Variants in PPP1R9A observed in about 807,000 individuals in gnomAD.
PPP1R9A encodes neurabin-1.
A neutral mutation model predicts 141.9 loss-of-function variants in PPP1R9A; 59 were observed. The observed-to-expected ratio is 0.42, with a 90% confidence interval of 0.34 to 0.52. The LOEUF (loss-of-function observed/expected upper bound fraction) is 0.52. PPP1R9A is among the 20% of genes least tolerant of loss of function. The pLI is 0.10. For synonymous variants in PPP1R9A, 500 were observed against 569.7 expected (o/e 0.88, Z 1.74); for missense variants, 1,444 against 1,611.9 (o/e 0.90, Z 1.78).
At chr7:95,145,354 GT>G (rs1479771417) in intron 4 of PPP1R9A, among the ~76,000 whole-genome samples, 4 of 152,162 alleles carry the variant, frequency 2.6e-5, no homozygotes, top group Non-Finnish European at 5.9e-5. Flanking sequence ...CTATATTAAA[GT>G]TTAAGGGATG....
chr7:94,959,990 GCAT>G (rs1563049544), intron 2 of PPP1R9A, among the ~76,000 whole-genome samples: 1 of 151,488 alleles, frequency 6.6e-6, no homozygotes, highest in Non-Finnish European at 1.5e-5. Context: ...TTGATAACAG[GCAT>G]GTAAAAATTA....
intron 6 of PPP1R9A, among the ~76,000 whole-genome samples, chr7:95,202,803 C>T (rs922855525): frequency 6.6e-6 from 1 of 151,720 alleles, no homozygotes; most frequent in Non-Finnish European, 1.5e-5. Context: ...AGCATTATGC[C>T]GTTTGAAATG....
upstream of PPP1R9A, chr7:94,907,461 TG>T: frequency 6.6e-6 from 1 of 152,454 alleles, no homozygotes; most frequent in Non-Finnish European, 1.5e-5. Flanking sequence ...TCAGACTAAG[TG>T]GGGCCCCAGC....
At chr7:95,044,419 G>A (rs1809696728) in intron 2 of PPP1R9A, among the ~76,000 whole-genome samples, 1 of 151,956 alleles carries the variant, frequency 6.6e-6, no homozygotes, top group African/African-American at 2.4e-5. Flanking sequence ...TGCAAGATCA[G>A]GAATATTATC....
intron 4 of PPP1R9A, among the ~76,000 whole-genome samples, chr7:95,151,350 TGAAG>T (rs1008538805): frequency 6.6e-6 from 1 of 152,186 alleles, no homozygotes; most frequent in Non-Finnish European, 1.5e-5. Flanking sequence ...TATCAGTAAA[TGAAG>T]GAAGCTAATG....
chr7:94,949,933 C>CT (rs368003225), intron 2 of PPP1R9A, among the ~76,000 whole-genome samples: 5 of 142,616 alleles, frequency 3.5e-5, no homozygotes, highest in South Asian at 2.2e-4. Flanking sequence ...TGAATGGTCA[C>CT]TTTTTTTTTG....
intron 2 of PPP1R9A, among the ~76,000 whole-genome samples, chr7:95,019,415 T>C (rs1438298299): frequency 2.0e-5 from 3 of 152,066 alleles, no homozygotes; most frequent in Admixed American, 2.0e-4. Context: ...AAGTAACATA[T>C]AACTTAAAAT....
At chr7:95,122,847 G>C (rs2152493193) in intron 4 of PPP1R9A, among the ~76,000 whole-genome samples, 1 of 152,084 alleles carries the variant, frequency 6.6e-6, no homozygotes, top group African/African-American at 2.4e-5. Context: ...TCTTCCAAGA[G>C]AGCTAAAACT....
intron 7 of PPP1R9A, among the ~76,000 whole-genome samples, chr7:95,205,673 C>G (rs1790634484): frequency 6.6e-6 from 1 of 152,140 alleles, no homozygotes; most frequent in South Asian, 2.1e-4. Flanking sequence ...CTCTGTTGCC[C>G]TTGTATGTCA....
rs191508565 is a variant in PPP1R9A, at chr7:94,934,207, A to G, written c.1395+22699A>G. On this transcript the variant is annotated intron_variant, in intron 2 of 19. Transcript: ENST00000433360. ...AATATTTTGGCCTTTTTACTGTATA[A>G]AATGCATATGAGCAGAGGAGAGCAC... 1.5e-3 allele frequency among the ~76,000 whole-genome samples: 232 copies of G among 152,254 alleles called. 2 individuals carry two copies. The highest frequency in any genetic ancestry group is 5.0e-3 in the African/African-American group (208 of 41,534).
At position 95,120,840 on chromosome 7, in the gene PPP1R9A, A is replaced by T; in HGVS notation, c.1649+8A>T. 6.2e-7 allele frequency: 1 copy of T among 1,612,618 alleles called. No homozygotes were observed. Among genetic ancestry groups the T allele is most frequent in the Non-Finnish European group, 8.5e-7 (1 of 1,179,398 alleles). On this transcript the variant is annotated splice_region_variant and intron_variant, in intron 4 of 19. Coordinates refer to ENST00000433360, the MANE Select transcript of PPP1R9A (RefSeq NM_001166160.2). ...TGCTCAACGGGATGGCAGGTAAATT[A>T]AGGACTGTTGTTAATAACTTAAAAT...
intron 2 of PPP1R9A, among the ~76,000 whole-genome samples, chr7:95,034,159 C>T (rs1419906184): frequency 1.3e-5 from 2 of 151,722 alleles, no homozygotes; most frequent in African/African-American, 4.8e-5. Flanking sequence ...TTCATTTATC[C>T]AGGTCTTTTT....
Position 94,910,090 on chromosome 7 carries a change from T to C in PPP1R9A, c.-24T>C. 2 of 1,577,464 alleles carry C rather than the reference T, an allele frequency of 1.3e-6. No homozygotes were observed. The highest frequency in any genetic ancestry group is 1.7e-6 in the Non-Finnish European group (2 of 1,163,616). The stretch of plus-strand genomic sequence containing the variant: ...TTTTTTCTTTGATCATTATGAACAT[T>C]GGCTTTTCACCCCTGAAGTGAAAAT... On this transcript the variant is annotated 5_prime_UTR_variant, in exon 2 of 20. Coordinates refer to ENST00000433360, the MANE Select transcript of PPP1R9A (RefSeq NM_001166160.2). This position sits in a 1 kb window ranked among gnomAD's most constrained non-coding sequence, Gnocchi z 4.5.
intron 7 of PPP1R9A, among the ~76,000 whole-genome samples, chr7:95,211,576 A>G (rs551664761): frequency 5.1e-4 from 77 of 152,290 alleles, no homozygotes; most frequent in African/African-American, 1.8e-3. Flanking sequence ...GCCCATTTAT[A>G]TCACTGGCCA....
rs150448237 is a variant in PPP1R9A, at chr7:95,182,901, T to A, written c.1755-15448T>A. Among the ~76,000 whole-genome samples the A allele has an allele frequency of 4.6e-3, 699 of 152,326 alleles. 5 individuals carry two copies. Among genetic ancestry groups the A allele is most frequent in the African/African-American group, 0.016 (658 of 41,566 alleles). On this transcript the variant is annotated intron_variant, in intron 5 of 19. Coordinates refer to ENST00000433360, the MANE Select transcript of PPP1R9A (RefSeq NM_001166160.2). ...TTTTCTGGTGTCACTATATACAGATTAACATTTTGCAAACTACCTTTTTAA... is the reference window on the plus strand; with the variant it reads ...TTTTCTGGTGTCACTATATACAGATAAACATTTTGCAAACTACCTTTTTAA...
intron 3 of PPP1R9A, among the ~76,000 whole-genome samples, chr7:95,119,539 C>T (rs968407742): frequency 6.6e-6 from 1 of 152,192 alleles, no homozygotes; most frequent in South Asian, 2.1e-4. Flanking sequence ...ACTGCAACAT[C>T]TGCCTCCCAG....
chr7:95,108,048 A>T (rs1229025848), intron 2 of PPP1R9A, among the ~76,000 whole-genome samples: 1 of 151,994 alleles, frequency 6.6e-6, no homozygotes, highest in African/African-American at 2.4e-5. Context: ...GTTTTTGTAT[A>T]TAGGTATTGA....
chr7:95,154,524 G>T (rs115090432), intron 4 of PPP1R9A, among the ~76,000 whole-genome samples: 59 of 152,064 alleles, frequency 3.9e-4, no homozygotes, highest in African/African-American at 1.4e-3. Context: ...CCTTTAAGAA[G>T]AATTTTTTCC....
intron 12 of PPP1R9A, among the ~76,000 whole-genome samples, chr7:95,264,907 T>A (rs1585534169): frequency 6.6e-6 from 1 of 152,128 alleles, no homozygotes; most frequent in South Asian, 2.1e-4. Flanking sequence ...GTCTTGGGCT[T>A]ATGAAAGCAG....
Sources: allele counts gnomAD v4.1 joint callset (sites outside exome capture counted in the v4.1 genomes callset), GRCh38; gene constraint gnomAD v4.1.1; non-coding constraint Gnocchi (gnomAD v3.1); transcripts MANE v1.5; gene names NCBI Gene and HGNC (gene_info 2026-07-23, HGNC 2026-07-21).